The following RYR2 variants were observed in gnomAD, a reference collection of about 807,000 sequenced individuals.
The protein encoded by RYR2 is ryanodine receptor 2.
A neutral mutation model predicts 601.1 loss-of-function variants in RYR2; 227 were observed. The observed-to-expected ratio is 0.38, with a 90% confidence interval of 0.34 to 0.42. The LOEUF (loss-of-function observed/expected upper bound fraction) is 0.42, where lower values mean the gene tolerates loss of function less well. RYR2 is among the 10% of genes least tolerant of loss of function. RYR2 has a pLI of 1.00. For missense variants in RYR2, 4,646 were observed against 6,156.5 expected (o/e 0.75, Z 8.21); for synonymous variants, 2,223 against 2,175.1 (o/e 1.02, Z -0.61).
chr1:237,282,998 T>TG (rs1415510866), intron 2 of RYR2, among the ~76,000 whole-genome samples: 1 of 152,170 alleles, frequency 6.6e-6, no homozygotes, highest in Non-Finnish European at 1.5e-5. Context: ...TGTTGCCACT[T>TG]GCCAATTTGC....
In RYR2 at chr1:237,653,262, C is replaced by T. The variant is rs530776704; in HGVS notation, c.7825-1012C>T. Among the ~76,000 whole-genome samples, 36 of 152,280 alleles carry T rather than the reference C, an allele frequency of 2.4e-4. No individual in the cohort carries two copies. The South Asian group carries it at 7.3e-3, about 31-fold the overall frequency. ...AGAGTAGAGCAATTTTGGAACTTCA[C>T]TTGGAGAAGTAAGTTTTGTGGCAAG... On this transcript the variant is annotated intron_variant, in intron 51 of 104. Coordinates refer to ENST00000366574, the MANE Select transcript of RYR2 (RefSeq NM_001035.3).
At chr1:237,695,263 A>G (rs372716908) in intron 63 of RYR2, among the ~76,000 whole-genome samples, 9 of 152,132 alleles carry the variant, frequency 5.9e-5, no homozygotes, top group Non-Finnish European at 1.2e-4. Context: ...TGTTGTCCCT[A>G]TTGTTATTAG....
intron 3 of RYR2, among the ~76,000 whole-genome samples, chr1:237,332,616 GATC>G (rs1191264582): frequency 6.6e-6 from 1 of 152,024 alleles, no homozygotes; most frequent in Non-Finnish European, 1.5e-5. Context: ...TATAAAGAAA[GATC>G]ATTTTTATTT....
At chr1:237,560,977 G>A (rs2148196301) in intron 27 of RYR2, among the ~76,000 whole-genome samples, 1 of 152,260 alleles carries the variant, frequency 6.6e-6, no homozygotes, top group Non-Finnish European at 1.5e-5. Context: ...TGAGAGTGAA[G>A]GTAGTGAAAT....
At chr1:237,686,649 T>C (rs1686419284) in intron 62 of RYR2, among the ~76,000 whole-genome samples, 1 of 152,004 alleles carries the variant, frequency 6.6e-6, no homozygotes, top group African/African-American at 2.4e-5. Flanking sequence ...ATCTCCCAGG[T>C]TCAAGTGTCT....
At chr1:237,832,493 T>C in intron 104 of RYR2, 59 bp from the exon 105 acceptor site, 4 of 1,114,446 alleles carry the variant, frequency 3.6e-6, no homozygotes, top group Non-Finnish European at 5.4e-6. Flanking sequence ...GTTTCTACCT[T>C]ATGTTTTGTT....
intron 1 of RYR2, among the ~76,000 whole-genome samples, chr1:237,252,616 AAATAGAAAT>A (rs1336664251): frequency 6.6e-6 from 1 of 152,228 alleles, no homozygotes; most frequent in African/African-American, 2.4e-5. Flanking sequence ...ATTTTTACAA[AAATAGAAAT>A]GAGGAAGTAA....
rs527936233 is a variant in RYR2 at position 237,290,812 on chromosome 1, A to G, written c.168+20196A>G. ...ATCAATAAGAAAGAAAGAATATCCA[A>G]GTAGGAAAATGTTCAATATGTTTGA... On this transcript the variant is annotated intron_variant, in intron 2 of 104. Transcript: ENST00000366574. Among the ~76,000 whole-genome samples the G allele has an allele frequency of 1.5e-3, 222 of 152,344 alleles. 2 individuals are homozygous for G. Among genetic ancestry groups the G allele is most frequent in the South Asian group, 0.013 (62 of 4,826 alleles).
At chr1:237,528,881 C>A (rs1363545594) in intron 24 of RYR2, among the ~76,000 whole-genome samples, 1 of 152,116 alleles carries the variant, frequency 6.6e-6, no homozygotes, top group African/African-American at 2.4e-5. Context: ...GACACATTAT[C>A]ATCAGAAGAT....
At chr1:237,596,677 G>A (rs1675925636) in intron 34 of RYR2, among the ~76,000 whole-genome samples, 1 of 152,136 alleles carries the variant, frequency 6.6e-6, no homozygotes, top group African/African-American at 2.4e-5. Context: ...GATCTCAAGA[G>A]AATCAACCCA....
intron 1 of RYR2, among the ~76,000 whole-genome samples, chr1:237,092,525 T>C (rs995074854): frequency 6.6e-6 from 1 of 151,886 alleles, no homozygotes; most frequent in Non-Finnish European, 1.5e-5. Context: ...TTTTTTTTTT[T>C]TTTTTCCTTT....
intron 84 of RYR2, among the ~76,000 whole-genome samples, chr1:237,762,794 C>T (rs1693532709): frequency 6.6e-6 from 1 of 152,152 alleles, no homozygotes; most frequent in African/African-American, 2.4e-5. Context: ...GTATTATTTC[C>T]TTACAAACAG....
At chr1:237,286,682 A>T (rs2149402667) in intron 2 of RYR2, among the ~76,000 whole-genome samples, 1 of 151,198 alleles carries the variant, frequency 6.6e-6, no homozygotes, top group African/African-American at 2.4e-5. Context: ...CTTTACTTTA[A>T]GTTTATGTGA....
At chr1:237,694,554 A>C (rs1687247919) in intron 63 of RYR2, among the ~76,000 whole-genome samples, 1 of 152,184 alleles carries the variant, frequency 6.6e-6, no homozygotes, top group Non-Finnish European at 1.5e-5. Flanking sequence ...TATACTGTAA[A>C]AAATCCTATT....
intron 7 of RYR2, among the ~76,000 whole-genome samples, chr1:237,375,574 C>T (rs1316474941): frequency 6.6e-6 from 1 of 152,172 alleles, no homozygotes; most frequent in Non-Finnish European, 1.5e-5. Flanking sequence ...TTTACTAAAT[C>T]TTTTACAAAC....
chr1:237,334,440 A>AATATATAT (rs58982184), intron 3 of RYR2, among the ~76,000 whole-genome samples: 1,936 of 146,056 alleles, frequency 0.013, 18 homozygotes, highest in East Asian at 0.029. Flanking sequence ...GTTTAATTAA[A>AATATATAT]ATATATATAT....
chr1:237,788,231 G>A (rs2149367847), intron 92 of RYR2, 96 bp downstream of exon 92: 3 of 926,096 alleles, frequency 3.2e-6, no homozygotes, highest in Non-Finnish European at 4.8e-6. Context: ...CTGAGTGGCA[G>A]TTAGGGAACC....
intron 102 of RYR2, among the ~76,000 whole-genome samples, chr1:237,828,694 C>T (rs1444887676): frequency 6.6e-6 from 1 of 152,192 alleles, no homozygotes; most frequent in Non-Finnish European, 1.5e-5. Flanking sequence ...AGTGGAGAGA[C>T]TATTCATTCG....
At chr1:237,218,393 T>C (rs1683418509) in intron 1 of RYR2, among the ~76,000 whole-genome samples, 1 of 152,172 alleles carries the variant, frequency 6.6e-6, no homozygotes, top group East Asian at 1.9e-4. Flanking sequence ...ACACTGATTA[T>C]AGGACGTGTA....
Sources: gnomAD v4.1 joint callset for allele counts (sites outside exome capture counted in the v4.1 genomes callset) on GRCh38, gnomAD v4.1.1 for gene constraint, MANE v1.5 for transcripts, NCBI Gene and HGNC (gene_info 2026-07-23, HGNC 2026-07-21) for gene names.